KCNA6: variants seen among roughly 807,000 people sequenced by gnomAD.
The protein encoded by KCNA6 is human brain potassium channel-2.
In KCNA6, 17 loss-of-function variants were observed where a neutral mutation model predicts 29.5. That is an observed-to-expected ratio of 0.58 (90% CI 0.39 to 0.86). The LOEUF (loss-of-function observed/expected upper bound fraction) is 0.86, where lower values mean the gene tolerates loss of function less well. Among genes scored for constraint, KCNA6 ranks in the 40% least tolerant of loss-of-function variants. The pLI is 0.00. For synonymous variants in KCNA6, 296 were observed against 304.7 expected (o/e 0.97, Z 0.30); for missense variants, 450 against 703.4 (o/e 0.64, Z 4.07).
chr12:4,818,674 A>G, the KCNA6 span, among the ~76,000 whole-genome samples: 4 of 152,068 alleles, frequency 2.6e-5, no homozygotes, highest in African/African-American at 9.7e-5. Context: ...TTCAGGGGAG[A>G]TGGAACAGAA....
downstream of KCNA6, among the ~76,000 whole-genome samples, chr12:4,815,932 A>G (rs1204355987): frequency 1.3e-5 from 2 of 152,176 alleles, no homozygotes; most frequent in African/African-American, 4.8e-5. Flanking sequence ...TGCTATTACA[A>G]TTGGCCCCAG....
chr12:4,835,280 A>AC, the KCNA6 span, among the ~76,000 whole-genome samples: 1 of 150,110 alleles, frequency 6.7e-6, no homozygotes, highest in African/African-American at 2.4e-5. Context: ...GACTACAGGC[A>AC]CCCGCCACTG....
At chr12:4,831,240 A>C in the KCNA6 span, among the ~76,000 whole-genome samples, 1 of 152,168 alleles carries the variant, frequency 6.6e-6, no homozygotes, top group Non-Finnish European at 1.5e-5. Context: ...GTGGTCCTTG[A>C]AGTTGCATGT....
At chr12:4,840,439 A>G in the KCNA6 span, among the ~76,000 whole-genome samples, 2 of 152,314 alleles carry the variant, frequency 1.3e-5, no homozygotes, top group Admixed American at 1.3e-4. Context: ...ATGAGATACC[A>G]TCTCACACCA....
chr12:4,829,181 C>T, the KCNA6 span, among the ~76,000 whole-genome samples: 2 of 152,092 alleles, frequency 1.3e-5, no homozygotes, highest in African/African-American at 4.8e-5. Flanking sequence ...TTCCCAGGCA[C>T]GTTGGCTGGG....
the KCNA6 span, among the ~76,000 whole-genome samples, chr12:4,825,017 T>G: frequency 6.6e-6 from 1 of 152,228 alleles, no homozygotes; most frequent in African/African-American, 2.4e-5. Flanking sequence ...TATTCCAGGC[T>G]TATTCTGAAA....
chr12:4,846,252 C>T, the KCNA6 span, among the ~76,000 whole-genome samples: 17 of 152,074 alleles, frequency 1.1e-4, no homozygotes, highest in Non-Finnish European at 1.5e-4. Flanking sequence ...GGATGCTAGA[C>T]CTGTAACATA....
chr12:4,814,517 C>T (rs1358240225), downstream of KCNA6: 1 of 167,108 alleles, frequency 6.0e-6, no homozygotes, highest in Non-Finnish European at 1.5e-5. The surrounding 1 kb of genome is among the most constrained non-coding windows in gnomAD (Gnocchi z 4.6). Flanking sequence ...GACCTAGTTT[C>T]TGTGAAGAAT....
At chr12:4,813,266 T>C (rs1035690000) in exon 1 of KCNA6, 12 of 167,004 alleles carry the variant, frequency 7.2e-5, no homozygotes, top group African/African-American at 2.9e-4. Context: ...GTAACTTGGG[T>C]CCACAGTCAC....
the KCNA6 span, among the ~76,000 whole-genome samples, chr12:4,837,402 G>T: frequency 6.6e-6 from 1 of 152,206 alleles, no homozygotes; most frequent in African/African-American, 2.4e-5. Flanking sequence ...GGCAACTCCA[G>T]TGTATAAAAC....
the KCNA6 span, among the ~76,000 whole-genome samples, chr12:4,841,780 G>A: frequency 0.58 from 88,393 of 151,844 alleles, 26,234 homozygotes; most frequent in Non-Finnish European, 0.62. Flanking sequence ...GGGAAGCAGG[G>A]CATTCAAAGA....
the KCNA6 span, chr12:4,850,742 A>AT: frequency 4.5e-6 from 2 of 444,044 alleles, no homozygotes; most frequent in South Asian, 1.6e-5. The surrounding 1 kb of genome is among the most constrained non-coding windows in gnomAD (Gnocchi z 5.4). Context: ...TGGCAGGAAA[A>AT]ATGCTGGCAG....
the KCNA6 span, among the ~76,000 whole-genome samples, chr12:4,818,803 TC>T: frequency 6.6e-6 from 1 of 152,046 alleles, no homozygotes; most frequent in East Asian, 1.9e-4. Flanking sequence ...GCAGCAGGTG[TC>T]CTGTGCTTTT....
downstream of KCNA6, chr12:4,814,117 C>CA (rs1946659168): frequency 6.0e-6 from 1 of 167,144 alleles, no homozygotes; most frequent in Non-Finnish European, 1.5e-5. The surrounding 1 kb of genome is among the most constrained non-coding windows in gnomAD (Gnocchi z 4.6). Flanking sequence ...GTGGAGGAAG[C>CA]AGGGCCTCAA....
At chr12:4,847,978 G>C in the KCNA6 span, among the ~76,000 whole-genome samples, 4 of 152,114 alleles carry the variant, frequency 2.6e-5, no homozygotes, top group African/African-American at 7.2e-5. Context: ...AGCAGAGCAG[G>C]GGAAGTGGCC....
At chr12:4,822,957 A>C in the KCNA6 span, among the ~76,000 whole-genome samples, 1 of 152,360 alleles carries the variant, frequency 6.6e-6, no homozygotes, top group East Asian at 1.9e-4. Flanking sequence ...AAATGGCCGT[A>C]GATTTGGAAC....
the KCNA6 span, among the ~76,000 whole-genome samples, chr12:4,831,656 CTACTT>C: frequency 1.3e-5 from 2 of 152,210 alleles, no homozygotes; most frequent in Non-Finnish European, 1.5e-5. Context: ...GCTACTATGA[CTACTT>C]TATAACAGAG....
chr12:4,823,780 A>G, the KCNA6 span, among the ~76,000 whole-genome samples: 1 of 152,168 alleles, frequency 6.6e-6, no homozygotes, highest in African/African-American at 2.4e-5. Context: ...TAAATAAATA[A>G]ATAATAAAAT....
chr12:4,835,926 A>G, the KCNA6 span, among the ~76,000 whole-genome samples: 4 of 146,066 alleles, frequency 2.7e-5, no homozygotes, highest in African/African-American at 5.2e-5. Context: ...ATGGAATAAA[A>G]AGTCGCTGTT....
Sources: allele counts gnomAD v4.1 joint callset (sites outside exome capture counted in the v4.1 genomes callset), GRCh38; gene constraint gnomAD v4.1.1; non-coding constraint Gnocchi (gnomAD v3.1); transcripts MANE v1.5; gene names NCBI Gene and HGNC (gene_info 2026-07-23, HGNC 2026-07-21).